Variants in DOCK6 observed in about 807,000 individuals in gnomAD.
The protein encoded by DOCK6 is dedicator of cytokinesis 6, also known as dedicator of cytokinesis protein 6.
In DOCK6, 167 loss-of-function variants were observed where a neutral mutation model predicts 230.3. The observed-to-expected ratio is 0.73, with a 90% CI of 0.64 to 0.82. DOCK6 has a LOEUF of 0.82. Ranked by LOEUF, DOCK6 falls within the 40% of genes least tolerant of loss-of-function variation. DOCK6 has a pLI of 0.00. For missense variants in DOCK6, 2,598 were observed against 2,825.8 expected, an observed-to-expected ratio of 0.92 and a Z score of 1.83; for synonymous variants, 1,148 against 1,185.0, an observed-to-expected ratio of 0.97 and a Z score of 0.64.
chr19:11,215,628 C>T (rs766044960), intron 31 of DOCK6, 157 bp from the exon 32 acceptor site: 32 of 1,319,728 alleles, frequency 2.4e-5, no homozygotes, highest in South Asian at 9.3e-5. Context: ...GGGGCAAACA[C>T]GAGTGACAGA....
At position 11,245,714 on chromosome 19, in the gene DOCK6, T is replaced by TTCTC; in HGVS notation, c.874-3_874-2insGAGA. ...GTCGAAGTAGAAGTTCTCCGAGATC[T>TTCTC]GGGGACACCAGAGGCAGCTGGGCCA... On this transcript the variant is annotated splice_region_variant and splice_polypyrimidine_tract_variant and intron_variant, in intron 8 of 47. Coordinates refer to ENST00000294618, the MANE Select transcript of DOCK6 (RefSeq NM_020812.4). 6.2e-7 allele frequency: 1 copy of TTCTC among 1,604,664 alleles called. No individual in the cohort carries two copies. Among genetic ancestry groups the TTCTC allele is most frequent in the Non-Finnish European group, 8.5e-7 (1 of 1,174,470 alleles).
At chr19:11,239,613 G>A (rs372492452) in intron 14 of DOCK6, 136 of 1,612,076 alleles carry the variant, frequency 8.4e-5, no homozygotes, top group Non-Finnish European at 6.6e-5. Context: ...TGACAGTGCT[G>A]TGGCTATACC....
intron 28 of DOCK6, 128 bp downstream of exon 28, chr19:11,221,723 T>C: frequency 6.9e-7 from 1 of 1,449,884 alleles, no homozygotes; most frequent in Non-Finnish European, 9.5e-7. Flanking sequence ...CCTAGCACTT[T>C]AACCTGCTCT....
Position 11,211,826 on chromosome 19 carries a change from C to G in DOCK6, c.4701G>C (p.Lys1567Asn). 1 of 1,552,488 alleles carries G rather than the reference C, an allele frequency of 6.4e-7. No individual in the cohort carries two copies. Among genetic ancestry groups the G allele is most frequent in the Admixed American group, 2.0e-5 (1 of 51,062 alleles). The change falls in exon 37 of 48, where the codon AAG (lysine) becomes AAC (asparagine). Residue 1567 changes from lysine (K) to asparagine (N), a missense_variant. Lys to Asn is a moderately conservative substitution (Grantham distance 94, BLOSUM62 0). Transcript: ENST00000294618. ...NLHMILTDTV[K>N]MKEHQEDPEM... ...CAGGGTCCTCCTGGTGTTCCTTCAT[C>G]TTCACCGTGTCCGTCAGGATCATGT...
At chr19:11,219,960 G>GT (rs1332458081) in intron 28 of DOCK6, among the ~76,000 whole-genome samples, 111 of 146,340 alleles carry the variant, frequency 7.6e-4, no homozygotes, top group Admixed American at 2.3e-3. Context: ...TTTGTTTTTT[G>GT]TTTTTTTTTT....
At position 11,253,639 on chromosome 19, in the gene DOCK6, C is replaced by G; in HGVS notation, c.132G>C (p.Gly44=). 7.0e-7 allele frequency: 1 copy of G among 1,432,716 alleles called. No individual in the cohort carries two copies. Among genetic ancestry groups the G allele is most frequent in the Non-Finnish European group, 9.1e-7 (1 of 1,097,814 alleles). The allele number at this position is 1,432,716 out of a possible 1,614,324, so 88.8% of individuals were successfully genotyped here. Reference sequence around the variant, plus strand: ...GGGGGCGGACCCCCCAAATACTTACCCCCAGGGAGCTGCTGCAGCGCCTGC... The same window carrying G: ...GGGGGCGGACCCCCCAAATACTTACGCCCAGGGAGCTGCTGCAGCGCCTGC... ...HSSRRCSSSL[G]VPLTEVVEPL... The change falls in exon 2 of 48, where the codon GGG becomes GGC. Residue 44 remains glycine (G), a splice_region_variant and synonymous_variant. Transcript: ENST00000294618.
rs1365778910 is a variant in DOCK6, at chr19:11,236,512, C to T, written c.2226G>A (p.Arg742=). 6.2e-7 allele frequency: 1 copy of T among 1,604,420 alleles called. No individual in the cohort carries two copies. Residue 742 remains arginine, a synonymous_variant, in exon 20 of 48, where the codon CGG becomes CGA. Coordinates refer to ENST00000294618, the MANE Select transcript of DOCK6 (RefSeq NM_020812.4). The surrounding 1 kb of genome is among the most constrained non-coding windows in gnomAD (Gnocchi z 5.2). ...HVLEEGAFPF[R]LKDTVLSEGN... Reference sequence around the variant, plus strand: ...CCTCGCTCAGCACAGTGTCCTTGAGCCGGAATGGGAAGGCTCCCTCCTCCA... The same window carrying T: ...CCTCGCTCAGCACAGTGTCCTTGAGTCGGAATGGGAAGGCTCCCTCCTCCA...
chr19:11,224,108 A>G (rs1282130447), intron 24 of DOCK6, among the ~76,000 whole-genome samples: 3 of 152,086 alleles, frequency 2.0e-5, no homozygotes, highest in Admixed American at 6.5e-5. Flanking sequence ...AGATAGTTCT[A>G]TGTGCTTCAA....
Position 11,201,823 on chromosome 19 carries a change from C to T in DOCK6, c.5688+66G>A, listed in dbSNP as rs141339460. The T allele has an allele frequency of 1.5e-4, 203 of 1,354,390 alleles. 3 individuals carry two copies. The East Asian group carries it at 5.2e-3, about 35-fold the overall frequency. The allele number at this position is 1,354,390 out of a possible 1,614,324, so 83.9% of individuals were successfully genotyped here. On this transcript the variant is annotated intron_variant, in intron 44 of 47. Coordinates refer to ENST00000294618, the MANE Select transcript of DOCK6 (RefSeq NM_020812.4). The surrounding 1 kb of genome is among the most constrained non-coding windows in gnomAD (Gnocchi z 4.3). Reference sequence around the variant, plus strand: ...TCTGGGTCCCTGTGTCTACCCTCCCCTCCCCTCCCAGGGTCTGATGTCCCC... The same window carrying T: ...TCTGGGTCCCTGTGTCTACCCTCCCTTCCCCTCCCAGGGTCTGATGTCCCC...
rs200935357 is a variant in DOCK6 at position 11,235,646 on chromosome 19, C to T, written c.2506G>A (p.Val836Ile). 1.1e-4 allele frequency: 176 copies of T among 1,603,314 alleles called. 2 individuals are homozygous for T. In the Admixed American group the frequency reaches 2.9e-3, roughly 26 times the overall value. Residue 836 changes from valine (V) to isoleucine (I), a missense_variant, in exon 21 of 48, where the codon GTC becomes ATC. By Grantham distance (29) the Val-to-Ile change is conservative (BLOSUM62 3). Coordinates refer to ENST00000294618, the MANE Select transcript of DOCK6 (RefSeq NM_020812.4). ...RGHCPQLAAY[V>I]HYAFRLPGTE... ...CCAGGAAGGCGAAAGGCGTAGTGGA[C>T]GTAGGCAGCCAGCTGTGGGCAGTGA...
chr19:11,232,203 A>T, intron 22 of DOCK6: 2 of 1,289,180 alleles, frequency 1.6e-6, no homozygotes, highest in African/African-American at 1.5e-5. Context: ...GGTCGGCCCC[A>T]CAATAAGGGG....
At chr19:11,249,338 CTA>C (rs796232670) in intron 6 of DOCK6, among the ~76,000 whole-genome samples, 33 of 151,388 alleles carry the variant, frequency 2.2e-4, no homozygotes, top group African/African-American at 7.5e-4. Flanking sequence ...TAGTGAAACC[CTA>C]TCTCTACTAA....
At chr19:11,233,747 A>G (rs546315679) in intron 21 of DOCK6, among the ~76,000 whole-genome samples, 1 of 152,262 alleles carries the variant, frequency 6.6e-6, no homozygotes, top group South Asian at 2.1e-4. Flanking sequence ...GGCTGAGGCA[A>G]CAGGATTACT....
At chr19:11,240,571 C>T (rs1328896428) in intron 14 of DOCK6, among the ~76,000 whole-genome samples, 2 of 151,420 alleles carry the variant, frequency 1.3e-5, no homozygotes, top group Non-Finnish European at 2.9e-5. Context: ...ACAGTTGGTG[C>T]TCAATAAATT....
intron 22 of DOCK6, chr19:11,232,145 G>C: frequency 7.9e-7 from 1 of 1,258,632 alleles, no homozygotes; most frequent in Non-Finnish European, 1.0e-6. Context: ...CTCATGCTGA[G>C]GTGGTGTCAC....
At chr19:11,241,689 T>G (rs746272390) in intron 14 of DOCK6, 1 of 1,582,956 alleles carries the variant, frequency 6.3e-7, no homozygotes, top group Non-Finnish European at 8.6e-7. Context: ...CCAGCCTGAA[T>G]CTGCCTGGAT....
At chr19:11,216,080 CAA>C in intron 30 of DOCK6, 153 bp from the exon 31 acceptor site, 2 of 868,198 alleles carry the variant, frequency 2.3e-6, no homozygotes, top group Non-Finnish European at 1.6e-6. Flanking sequence ...TAGCACTTAC[CAA>C]AAAAAAAATT....
At chr19:11,199,807 C>G (rs1282642340) in intron 47 of DOCK6, among the ~76,000 whole-genome samples, 2 of 152,220 alleles carry the variant, frequency 1.3e-5, no homozygotes, top group African/African-American at 2.4e-5. Context: ...AGAGCCTGCC[C>G]TGCCTTTGTA....
intron 7 of DOCK6, among the ~76,000 whole-genome samples, chr19:11,246,555 C>T (rs187319530): frequency 6.6e-6 from 1 of 152,274 alleles, no homozygotes; most frequent in Non-Finnish European, 1.5e-5. Context: ...TGAGCCACCG[C>T]GCCCCGCCGA....
Sources: gnomAD v4.1 joint callset for allele counts (sites outside exome capture counted in the v4.1 genomes callset) on GRCh38, gnomAD v4.1.1 for gene constraint, Gnocchi (gnomAD v3.1) non-coding constraint, MANE v1.5 for transcripts, NCBI Gene and HGNC (gene_info 2026-07-23, HGNC 2026-07-21) for gene names.